Variants in KCNT2 observed in about 807,000 individuals in gnomAD.
The protein encoded by KCNT2 is potassium channel subfamily T member 2.
A neutral mutation model predicts 153.8 loss-of-function variants in KCNT2; 67 were observed. The observed-to-expected ratio is 0.44, with a 90% CI of 0.36 to 0.53. The LOEUF is 0.53. Among genes scored for constraint, KCNT2 ranks in the 20% least tolerant of loss-of-function variants. The pLI is 0.00. For missense variants in KCNT2, 975 were observed against 1,354.8 expected, an observed-to-expected ratio of 0.72 and a Z score of 4.40; for synonymous variants, 500 against 458.8, an observed-to-expected ratio of 1.09 and a Z score of -1.15.
chr1:196,265,734 CTTCTGCTACTG>C (rs1657481237), intron 25 of KCNT2, among the ~76,000 whole-genome samples: 1 of 152,272 alleles, frequency 6.6e-6, no homozygotes, highest in East Asian at 1.9e-4. Context: ...CCAAAAAATG[CTTCTGCTACTG>C]TTGCTGTCTA....
At chr1:196,302,083 C>T (rs1315308143) in intron 22 of KCNT2, among the ~76,000 whole-genome samples, 1 of 152,100 alleles carries the variant, frequency 6.6e-6, no homozygotes, top group Non-Finnish European at 1.5e-5. Flanking sequence ...GAAGGTCTCA[C>T]CTGTGAAGGT....
At chr1:196,254,441 C>T (rs1656279532) in intron 26 of KCNT2, among the ~76,000 whole-genome samples, 1 of 151,466 alleles carries the variant, frequency 6.6e-6, no homozygotes, top group Non-Finnish European at 1.5e-5. Flanking sequence ...TTAGCATGAT[C>T]TCAAATACTT....
chr1:196,608,359 G>A lies in KCNT2; in HGVS notation c.-50C>T. On this transcript the variant is annotated 5_prime_UTR_variant, in exon 1 of 28. Coordinates refer to ENST00000294725, the MANE Select transcript of KCNT2 (RefSeq NM_198503.5). ...CAAACAACAAATGGAGGAGAGGAGG[G>A]AGAAAGAAAGAAAATATTGCGGAGT... 1 of 1,435,934 alleles carries A rather than the reference G, an allele frequency of 7.0e-7. No individual in the cohort carries two copies. The highest frequency in any genetic ancestry group is 9.8e-7 in the Non-Finnish European group (1 of 1,018,532). 88.9% of individuals were successfully genotyped at this position (1,435,934 alleles called of 1,614,324 possible).
chr1:196,280,928 A>C lies in KCNT2; in HGVS notation c.2842T>G (p.Cys948Gly). The C allele has an allele frequency of 1.2e-6, 2 of 1,610,442 alleles. No homozygotes were observed. The highest frequency in any genetic ancestry group is 1.7e-6 in the Non-Finnish European group (2 of 1,176,668). ...RTYARLYQKL[C>G]SSTGDVPIGI... ...ATGGGAACATCTCCAGTAGAAGAAC[A>C]CAACTTCTGATAAAGTCTGGCATAA... Residue 948 changes from cysteine to glycine, a missense_variant, in exon 25 of 28, where the codon TGT (cysteine) becomes GGT (glycine). Cys to Gly is a radical substitution (Grantham distance 159). This residue lies in a region of KCNT2 where 241 missense variants were observed against 271.1 expected (regional missense o/e 0.89). Transcript: ENST00000294725.
intron 1 of KCNT2, among the ~76,000 whole-genome samples, chr1:196,544,318 A>G (rs2148880775): frequency 6.6e-6 from 1 of 152,068 alleles, no homozygotes; most frequent in East Asian, 1.9e-4. Flanking sequence ...TTAATTATAG[A>G]TGTATAGAAT....
intron 25 of KCNT2, among the ~76,000 whole-genome samples, chr1:196,266,445 C>T (rs1344368596): frequency 1.3e-5 from 2 of 152,140 alleles, no homozygotes; most frequent in Non-Finnish European, 2.9e-5. Context: ...CCTAAATACT[C>T]CATGGTCATA....
At chr1:196,589,207 T>C (rs1159519164) in intron 1 of KCNT2, among the ~76,000 whole-genome samples, 2 of 151,918 alleles carry the variant, frequency 1.3e-5, no homozygotes, top group African/African-American at 4.8e-5. Context: ...ATATCTTCTA[T>C]TGTATAACTC....
chr1:196,312,097 T>G lies in KCNT2; in HGVS notation c.2483+3795A>C, dbSNP rs915938400. Among the ~76,000 whole-genome samples, 4 of 151,850 alleles carry G rather than the reference T, an allele frequency of 2.6e-5. No individual in the cohort carries two copies. In the East Asian group the frequency reaches 7.8e-4, roughly 29 times the overall value. ...TTTCTTTCACTTTTTAGCAGCTCTTTGTACTGGGATGGCTTACTTGAGTGT... is the reference window on the plus strand; with the variant it reads ...TTTCTTTCACTTTTTAGCAGCTCTTGGTACTGGGATGGCTTACTTGAGTGT... On this transcript the variant is annotated intron_variant, in intron 21 of 27. Transcript: ENST00000294725.
At chr1:196,550,227 C>G (rs749037796) in intron 1 of KCNT2, among the ~76,000 whole-genome samples, 1 of 151,666 alleles carries the variant, frequency 6.6e-6, no homozygotes, top group Non-Finnish European at 1.5e-5. Flanking sequence ...TCAAATAGAC[C>G]AAATTTCAAA....
chr1:196,500,507 G>T (rs1680615046), intron 1 of KCNT2, among the ~76,000 whole-genome samples: 1 of 152,136 alleles, frequency 6.6e-6, no homozygotes, highest in South Asian at 2.1e-4. Flanking sequence ...TATTATAAAA[G>T]AACATTGTAA....
chr1:196,447,135 C>T (rs2148606763), intron 8 of KCNT2, among the ~76,000 whole-genome samples: 1 of 151,346 alleles, frequency 6.6e-6, no homozygotes, highest in South Asian at 2.1e-4. Flanking sequence ...AAATATTTTG[C>T]CTCAAATGTA....
intron 13 of KCNT2, among the ~76,000 whole-genome samples, chr1:196,382,157 G>T (rs189125085): frequency 6.6e-6 from 1 of 150,694 alleles, no homozygotes; most frequent in Admixed American, 6.6e-5. Flanking sequence ...GGAATGCAGT[G>T]GTGCGAGCGC....
intron 13 of KCNT2, among the ~76,000 whole-genome samples, chr1:196,395,957 C>T (rs867250943): frequency 1.4e-4 from 21 of 151,652 alleles, no homozygotes; most frequent in African/African-American, 2.2e-4. Context: ...CAAGTAAATA[C>T]GATTTTAAAT....
At chr1:196,283,927 T>C (rs950029490) in intron 23 of KCNT2, among the ~76,000 whole-genome samples, 7 of 151,870 alleles carry the variant, frequency 4.6e-5, no homozygotes, top group African/African-American at 1.7e-4. Flanking sequence ...ATATGTTTAC[T>C]GTGTCAAAAT....
intron 13 of KCNT2, among the ~76,000 whole-genome samples, chr1:196,379,290 G>T (rs1025048615): frequency 1.3e-5 from 2 of 151,966 alleles, no homozygotes; most frequent in African/African-American, 2.4e-5. Context: ...ATTATATGTG[G>T]CAGGGTGTGG....
chr1:196,566,549 C>T (rs534522770), intron 1 of KCNT2, among the ~76,000 whole-genome samples: 5 of 152,036 alleles, frequency 3.3e-5, no homozygotes, highest in Non-Finnish European at 4.4e-5. Flanking sequence ...CCTCTCCATA[C>T]GTCAGGTGTG....
intron 1 of KCNT2, among the ~76,000 whole-genome samples, chr1:196,537,846 G>T (rs1655793597): frequency 6.6e-6 from 1 of 152,152 alleles, no homozygotes; most frequent in African/African-American, 2.4e-5. Flanking sequence ...ATCTCTCGTG[G>T]GGGCGGGGGA....
chr1:196,420,406 C>T (rs953795064), intron 12 of KCNT2, among the ~76,000 whole-genome samples: 3 of 151,376 alleles, frequency 2.0e-5, no homozygotes, highest in Admixed American at 6.6e-5. Flanking sequence ...CCTTCTTGTT[C>T]TTGTTAGAAA....
At chr1:196,229,397 G>C (rs1019386915) in intron 27 of KCNT2, among the ~76,000 whole-genome samples, 2 of 151,960 alleles carry the variant, frequency 1.3e-5, no homozygotes, top group Non-Finnish European at 2.9e-5. Context: ...AATAAAATAT[G>C]TGTGTTCTGA....
Sources: gnomAD v4.1 joint callset for allele counts (sites outside exome capture counted in the v4.1 genomes callset) on GRCh38, gnomAD v4.1.1 for gene constraint, gnomAD v4.1.1 regional missense constraint, MANE v1.5 for transcripts, NCBI Gene and HGNC (gene_info 2026-07-23, HGNC 2026-07-21) for gene names.